CUL5: variants seen among roughly 807,000 people sequenced by gnomAD.
CUL5 encodes cullin-5.
A neutral mutation model predicts 108.8 loss-of-function variants in CUL5; 26 were observed. The ratio of observed to expected loss-of-function variants is 0.24; its 90% CI spans 0.18 to 0.33. The LOEUF (loss-of-function observed/expected upper bound fraction) is 0.33, where lower values mean the gene tolerates loss of function less well. Ranked by LOEUF, CUL5 falls within the 10% of genes least tolerant of loss-of-function variation. The pLI is 1.00. For synonymous variants in CUL5, 334 were observed against 298.0 expected, an observed-to-expected ratio of 1.12 and a Z score of -1.25; for missense variants, 524 against 909.2, an observed-to-expected ratio of 0.58 and a Z score of 5.45.
In CUL5 at chr11:108,105,327, A is replaced by G. The variant is rs1444884636; in HGVS notation, c.*943A>G. On this transcript the variant is annotated 3_prime_UTR_variant, in exon 19 of 19. Coordinates refer to ENST00000393094, the MANE Select transcript of CUL5 (RefSeq NM_003478.6). Reference sequence around the variant, plus strand: ...CAACACAGAAATCTCCTGCTCTGATATAGTTATGTAACTGATCTCTTAATC... The same window carrying G: ...CAACACAGAAATCTCCTGCTCTGATGTAGTTATGTAACTGATCTCTTAATC... The G allele has an allele frequency of 6.6e-6, 1 of 152,414 alleles. No individual in the cohort carries two copies. Among genetic ancestry groups the G allele is most frequent in the Non-Finnish European group, 1.5e-5 (1 of 67,994 alleles). The allele number at this position is 152,414 out of a possible 1,614,324, so 9.4% of individuals were successfully genotyped here. A position where few individuals can be genotyped will look rare whatever the true frequency, so the allele number is the denominator to read the frequency against.
intron 18 of CUL5, among the ~76,000 whole-genome samples, chr11:108,103,093 G>A (rs2135255357): frequency 6.6e-6 from 1 of 152,336 alleles, no homozygotes; most frequent in South Asian, 2.1e-4. Context: ...ACCACACCCG[G>A]CATATACATG....
chr11:108,089,590 T>C lies in CUL5; in HGVS notation c.1410T>C (p.Ser470=), dbSNP rs1034891877. The change falls in exon 13 of 19, where the codon AGT becomes AGC. Residue 470 remains serine, a synonymous_variant. Transcript: ENST00000393094. The stretch of plus-strand genomic sequence containing the variant: ...TTATATTAGACATCTCTGCCGATAG[T>C]GAAATTGAAGAAAACATGGTAGAGT... The part of the protein sequence containing the change: ...RRLILDISAD[S]EIEENMVEWL... The C allele has an allele frequency of 6.4e-7, 1 of 1,551,034 alleles. No homozygotes were observed. Among genetic ancestry groups the C allele is most frequent in the African/African-American group, 1.4e-5 (1 of 71,332 alleles).
At chr11:108,070,435 C>G (rs570644963) in intron 8 of CUL5, among the ~76,000 whole-genome samples, 23 of 152,206 alleles carry the variant, frequency 1.5e-4, no homozygotes, top group Admixed American at 1.4e-3. Context: ...TGGTGAATTT[C>G]TACTTTTTTC....
At chr11:108,043,347 TAC>T (rs528811292) in intron 2 of CUL5, among the ~76,000 whole-genome samples, 225 of 152,368 alleles carry the variant, frequency 1.5e-3, no homozygotes, top group Non-Finnish European at 2.7e-3. Flanking sequence ...GTGCTAGGAT[TAC>T]AGACATGAGC....
rs986764893 is a variant in CUL5, at chr11:108,106,974, G to A, written c.*2590G>A. 3.3e-5 allele frequency: 5 copies of A among 150,050 alleles called. No homozygotes were observed. The highest frequency in any genetic ancestry group is 2.1e-4 in the South Asian group (1 of 4,698). 9.3% of individuals were successfully genotyped at this position (150,050 alleles called of 1,614,324 possible). ...CATCTGGAAAATGTTAACTTGTGTT[G>A]CCATCTCGTTGCCGGAGTAAGTAGA... On this transcript the variant is annotated 3_prime_UTR_variant, in exon 19 of 19. Coordinates refer to ENST00000393094, the MANE Select transcript of CUL5 (RefSeq NM_003478.6).
chr11:108,058,449 C>T (rs1863453203), intron 7 of CUL5, among the ~76,000 whole-genome samples: 1 of 151,294 alleles, frequency 6.6e-6, no homozygotes, highest in Non-Finnish European at 1.5e-5. Context: ...AGGGTTTCAC[C>T]GTGTTAGCCA....
chr11:108,025,473 C>T (rs1862430262), intron 1 of CUL5, among the ~76,000 whole-genome samples: 1 of 152,098 alleles, frequency 6.6e-6, no homozygotes, highest in African/African-American at 2.4e-5. Flanking sequence ...TTGAAGCTTA[C>T]CTTTAAGTTT....
chr11:108,017,143 C>G (rs1338556466), intron 1 of CUL5, among the ~76,000 whole-genome samples: 1 of 152,106 alleles, frequency 6.6e-6, no homozygotes, highest in South Asian at 2.1e-4. Context: ...AATCCAAGCA[C>G]TTTGGGAGAT....
At chr11:108,037,124 AAAC>A (rs1862766335) in intron 2 of CUL5, among the ~76,000 whole-genome samples, 1 of 152,138 alleles carries the variant, frequency 6.6e-6, no homozygotes, top group African/African-American at 2.4e-5. Flanking sequence ...AAGAAAAAAA[AAAC>A]AAAAACAGAG....
At position 108,106,332 on chromosome 11, in the gene CUL5, T is replaced by C. The variant is rs78891752; in HGVS notation, c.*1948T>C. The C allele has an allele frequency of 0.11, 17,254 of 152,562 alleles. 986 individuals carry two copies. The highest frequency in any genetic ancestry group is 0.13 in the South Asian group (634 of 4,824). The allele number at this position is 152,562 out of a possible 1,614,324, so 9.5% of individuals were successfully genotyped here. On this transcript the variant is annotated 3_prime_UTR_variant, in exon 19 of 19. Transcript: ENST00000393094. ...TAAACCATAATTGTTCTCAGAACTT[T>C]TTTGGAACTTCTAATTTTGGGTCAT...
chr11:108,065,111 C>T (rs1041824186), intron 7 of CUL5, among the ~76,000 whole-genome samples: 6 of 151,994 alleles, frequency 3.9e-5, no homozygotes, highest in South Asian at 4.2e-4. Context: ...CTGCAAGCTC[C>T]GCCTCCTGGG....
In CUL5 at chr11:108,011,624, TTTAA is replaced by T. The variant is rs1862059046; in HGVS notation, c.24+2255_24+2258del. Among the ~76,000 whole-genome samples, 5 of 151,886 alleles carry T rather than the reference TTTAA, an allele frequency of 3.3e-5. No individual in the cohort carries two copies. The South Asian group carries it at 1.0e-3, about 32-fold the overall frequency. ...AAAAAACCACCAGCTTTTCTTTCTT[TTTAA>T]TTTTTTTTTTTTTGGAGGGGGACGG... On this transcript the variant is annotated intron_variant, in intron 1 of 18. Coordinates refer to ENST00000393094, the MANE Select transcript of CUL5 (RefSeq NM_003478.6).
chr11:108,041,289 T>A (rs183075796), intron 2 of CUL5, among the ~76,000 whole-genome samples: 1 of 151,666 alleles, frequency 6.6e-6, no homozygotes, highest in East Asian at 1.9e-4. Flanking sequence ...TTTTTTCTTT[T>A]TTTTTTTTTT....
At chr11:108,035,996 C>T (rs530046288) in intron 2 of CUL5, among the ~76,000 whole-genome samples, 73 of 152,244 alleles carry the variant, frequency 4.8e-4, no homozygotes, top group Admixed American at 8.5e-4. Context: ...GAGTGATCAG[C>T]GAGACTGTCC....
intron 13 of CUL5, among the ~76,000 whole-genome samples, chr11:108,090,582 A>G (rs1864326368): frequency 6.6e-6 from 1 of 152,242 alleles, no homozygotes; most frequent in African/African-American, 2.4e-5. Context: ...AGAGATGTTT[A>G]TAAATGATAA....
intron 7 of CUL5, among the ~76,000 whole-genome samples, chr11:108,061,977 A>T (rs1347963842): frequency 6.6e-6 from 1 of 152,172 alleles, no homozygotes; most frequent in Non-Finnish European, 1.5e-5. Context: ...CTGTCACAAG[A>T]ACAGCATGGG....
chr11:108,073,255 A>G, intron 9 of CUL5, 135 bp from the exon 10 acceptor site: 1 of 552,980 alleles, frequency 1.8e-6, no homozygotes, highest in South Asian at 2.5e-5. Context: ...TAATATTGGA[A>G]CACCTTTTAG....
intron 9 of CUL5, among the ~76,000 whole-genome samples, 187 bp downstream of exon 9, chr11:108,072,649 G>A (rs1012551923): frequency 7.9e-5 from 12 of 151,982 alleles, no homozygotes; most frequent in African/African-American, 1.2e-4. Context: ...CCATTAGGGC[G>A]GATATAGCAA....
intron 7 of CUL5, among the ~76,000 whole-genome samples, chr11:108,065,439 T>G (rs1303875606): frequency 6.6e-6 from 1 of 152,170 alleles, no homozygotes; most frequent in Non-Finnish European, 1.5e-5. Flanking sequence ...TACTTTAGCT[T>G]ATAGTGCGAG....
Sources: allele counts gnomAD v4.1 joint callset (sites outside exome capture counted in the v4.1 genomes callset), GRCh38; gene constraint gnomAD v4.1.1; transcripts MANE v1.5; gene names NCBI Gene and HGNC (gene_info 2026-07-23, HGNC 2026-07-21).